The following TENM4 variants were observed in gnomAD, a reference collection of about 807,000 sequenced individuals.
TENM4 encodes teneurin transmembrane protein 4.
TENM4 carries 82 observed loss-of-function variants against 243.3 expected under a neutral mutation model. The ratio of observed to expected loss-of-function variants is 0.34; its 90% CI spans 0.28 to 0.40. The LOEUF is 0.40. Ranked by LOEUF, TENM4 falls within the 10% of genes least tolerant of loss-of-function variation. The probability of loss-of-function intolerance (pLI) is 1.00; values close to 1 mark genes in which losing one functional copy is unlikely to be tolerated. For missense variants in TENM4, 3,138 were observed against 3,673.3 expected, an observed-to-expected ratio of 0.85 and a Z score of 3.77; for synonymous variants, 1,412 against 1,456.3, an observed-to-expected ratio of 0.97 and a Z score of 0.69.
chr11:79,132,398 G>A (rs1862027319), intron 4 of TENM4, among the ~76,000 whole-genome samples: 1 of 143,018 alleles, frequency 7.0e-6, no homozygotes. Context: ...ATAATAGTGG[G>A]GGACTTCAGT....
chr11:78,721,664 C>A (rs1402817544), intron 24 of TENM4, among the ~76,000 whole-genome samples: 4 of 152,180 alleles, frequency 2.6e-5, no homozygotes, highest in African/African-American at 9.7e-5. Flanking sequence ...TTATGCTTGG[C>A]AAATAGTAGG....
intron 15 of TENM4, among the ~76,000 whole-genome samples, chr11:78,789,312 G>A (rs962663161): frequency 2.0e-5 from 3 of 152,118 alleles, no homozygotes; most frequent in Non-Finnish European, 4.4e-5. Context: ...CCCACGTGAG[G>A]ACAGGGCTGC....
intron 4 of TENM4, among the ~76,000 whole-genome samples, chr11:79,117,775 C>T (rs1420676730): frequency 6.6e-6 from 1 of 152,182 alleles, no homozygotes; most frequent in East Asian, 1.9e-4. Context: ...AGTCATTTAA[C>T]CTTTCTACAC....
intron 6 of TENM4, among the ~76,000 whole-genome samples, chr11:78,922,375 T>C (rs1409443083): frequency 6.6e-6 from 1 of 152,260 alleles, no homozygotes; most frequent in East Asian, 1.9e-4. Flanking sequence ...TAACTCCTCA[T>C]GTGTTTTTGC....
intron 1 of TENM4, among the ~76,000 whole-genome samples, chr11:79,377,556 A>G (rs1209635170): frequency 1.3e-5 from 2 of 152,190 alleles, no homozygotes; most frequent in Non-Finnish European, 2.9e-5. Context: ...GAGGATTAAG[A>G]GGGACACATA....
At chr11:79,030,461 C>T (rs1235083551) in intron 6 of TENM4, among the ~76,000 whole-genome samples, 1 of 152,086 alleles carries the variant, frequency 6.6e-6, no homozygotes, top group Non-Finnish European at 1.5e-5. Flanking sequence ...GGCTGTGCTG[C>T]TATCAAAAAG....
intron 1 of TENM4, among the ~76,000 whole-genome samples, chr11:79,388,591 G>A (rs186312902): frequency 2.6e-5 from 4 of 152,242 alleles, no homozygotes; most frequent in African/African-American, 9.6e-5. Context: ...GTGCACACAG[G>A]CAGGAGTTCC....
chr11:78,745,613 G>C (rs1245419746), intron 19 of TENM4, among the ~76,000 whole-genome samples: 1 of 152,134 alleles, frequency 6.6e-6, no homozygotes, highest in Non-Finnish European at 1.5e-5. Flanking sequence ...AAGTAACACA[G>C]AGACCAAAGG....
chr11:79,438,386 C>T lies in TENM4; in HGVS notation c.-321+2123G>A, dbSNP rs991148825. Among the ~76,000 whole-genome samples, 1 of 152,348 alleles carries T rather than the reference C, an allele frequency of 6.6e-6. No homozygotes were observed. Among genetic ancestry groups the T allele is most frequent in the East Asian group, 1.9e-4 (1 of 5,180 alleles). On this transcript the variant is annotated intron_variant, in intron 1 of 33. Coordinates refer to ENST00000278550, the MANE Select transcript of TENM4 (RefSeq NM_001098816.3). The surrounding 1 kb of genome is among the most constrained non-coding windows in gnomAD (Gnocchi z 4.1). ...CGCAACAGAAGCAAACTGCTGTCTGCAGAGGCGAGAGGCGAAGGAACGGAA... is the reference window on the plus strand; with the variant it reads ...CGCAACAGAAGCAAACTGCTGTCTGTAGAGGCGAGAGGCGAAGGAACGGAA...
chr11:78,873,573 C>A (rs1022740947), intron 9 of TENM4, among the ~76,000 whole-genome samples: 1 of 152,218 alleles, frequency 6.6e-6, no homozygotes, highest in Admixed American at 6.5e-5. Context: ...CTATACCACA[C>A]TGCTTTTCTG....
chr11:78,708,099 T>C (rs759010430), intron 27 of TENM4, among the ~76,000 whole-genome samples: 40 of 152,274 alleles, frequency 2.6e-4, no homozygotes, highest in Non-Finnish European at 4.1e-4. Flanking sequence ...CTGTCTATCC[T>C]ACTCTGCTGC....
At chr11:78,839,814 G>T (rs1285118015) in intron 12 of TENM4, among the ~76,000 whole-genome samples, 1 of 152,080 alleles carries the variant, frequency 6.6e-6, no homozygotes, top group East Asian at 1.9e-4. Flanking sequence ...CTATGACTTA[G>T]TATTGTCCTC....
intron 28 of TENM4, among the ~76,000 whole-genome samples, chr11:78,698,531 C>T (rs954951309): frequency 6.6e-6 from 1 of 152,018 alleles, no homozygotes; most frequent in Non-Finnish European, 1.5e-5. Flanking sequence ...CGGTTATAAT[C>T]TACTAAACTG....
intron 4 of TENM4, among the ~76,000 whole-genome samples, chr11:79,108,944 A>ACACCGACT (rs1861438683): frequency 6.6e-6 from 1 of 151,544 alleles, no homozygotes; most frequent in South Asian, 2.1e-4. Context: ...ACACAAACAC[A>ACACCGACT]CACCGACTCA....
At chr11:78,676,410 A>C (rs1238440795) in intron 29 of TENM4, 23 bp from the exon 30 acceptor site, 1 of 1,566,426 alleles carries the variant, frequency 6.4e-7, no homozygotes, top group Admixed American at 1.7e-5. Context: ...ACAAGCACAG[A>C]CTGCTCAGAA....
At position 79,104,665 on chromosome 11, in the gene TENM4, T is replaced by C. The variant is rs78606446; in HGVS notation, c.-65-34656A>G. Among the ~76,000 whole-genome samples the C allele has an allele frequency of 2.2e-3, 337 of 152,370 alleles. 9 individuals carry two copies. The East Asian group carries it at 0.056, about 25-fold the overall frequency. ...CCATTATGATAAGCAATGCTGCCAA[T>C]GAGCATCTTGCTGCAAATGCCTTTG... On this transcript the variant is annotated intron_variant, in intron 4 of 33. Coordinates refer to ENST00000278550, the MANE Select transcript of TENM4 (RefSeq NM_001098816.3).
At chr11:79,109,811 C>T (rs1257918631) in intron 4 of TENM4, among the ~76,000 whole-genome samples, 1 of 152,188 alleles carries the variant, frequency 6.6e-6, no homozygotes, top group African/African-American at 2.4e-5. Flanking sequence ...ACCTCTGTCA[C>T]TCACTAGCCA....
At chr11:78,801,619 T>C (rs1047993871) in intron 15 of TENM4, among the ~76,000 whole-genome samples, 2 of 152,224 alleles carry the variant, frequency 1.3e-5, no homozygotes, top group African/African-American at 4.8e-5. Flanking sequence ...CATGTTGATT[T>C]AAGCTGCTTT....
Position 78,951,101 on chromosome 11 carries a change from G to A in TENM4, c.494-47578C>T, listed in dbSNP as rs1857099724. 2.0e-5 allele frequency among the ~76,000 whole-genome samples: 3 copies of A among 152,272 alleles called. No individual in the cohort carries two copies. In the South Asian group the frequency reaches 6.2e-4, roughly 31 times the overall value. On this transcript the variant is annotated intron_variant, in intron 6 of 33. Coordinates refer to ENST00000278550, the MANE Select transcript of TENM4 (RefSeq NM_001098816.3). Reference sequence around the variant, plus strand: ...AGGGCTGCTCCCTGAGAGCTGGAAGGGGATGGATGGAGAGTGGGCTGTAAA... The same window carrying A: ...AGGGCTGCTCCCTGAGAGCTGGAAGAGGATGGATGGAGAGTGGGCTGTAAA...
Sources: allele counts gnomAD v4.1 joint callset (sites outside exome capture counted in the v4.1 genomes callset), GRCh38; gene constraint gnomAD v4.1.1; non-coding constraint Gnocchi (gnomAD v3.1); transcripts MANE v1.5; gene names NCBI Gene and HGNC (gene_info 2026-07-23, HGNC 2026-07-21).